Variants in DNAL1 observed in about 807,000 individuals in gnomAD.
DNAL1 encodes the protein chromosome 14 open reading frame 168.
Under a neutral mutation model 29.4 loss-of-function variants are expected in DNAL1, and 17 were observed. The ratio of observed to expected loss-of-function variants is 0.58; its 90% CI spans 0.40 to 0.87. The LOEUF (loss-of-function observed/expected upper bound fraction) is 0.87. Ranked by LOEUF, DNAL1 falls within the 40% of genes least tolerant of loss-of-function variation. DNAL1 has a pLI of 0.00. For missense variants in DNAL1, 188 were observed against 214.1 expected (o/e 0.88, Z 0.76); for synonymous variants, 78 against 76.3 (o/e 1.02, Z -0.12).
rs1188365360 is a variant in DNAL1, at chr14:73,652,419, G to A, written c.4-2428G>A. On this transcript the variant is annotated intron_variant, in intron 1 of 7. Transcript: ENST00000553645. ...TGGCACCACAGTCATGTGCCACCACGCCCAGTGCCACCACGGTCTAATTTT... is the reference window on the plus strand; with the variant it reads ...TGGCACCACAGTCATGTGCCACCACACCCAGTGCCACCACGGTCTAATTTT... 5.3e-5 allele frequency among the ~76,000 whole-genome samples: 8 copies of A among 152,010 alleles called. No homozygotes were observed. In the South Asian group the frequency reaches 1.0e-3, roughly 20 times the overall value.
chr14:73,695,864 T>A, intron 7 of DNAL1, 38 bp from the exon 8 acceptor site: 1 of 1,522,394 alleles, frequency 6.6e-7, no homozygotes, highest in Non-Finnish European at 8.9e-7. Context: ...TAGCAATTTT[T>A]TGAGAATAAC....
At chr14:73,660,988 G>A (rs1291408801) in intron 3 of DNAL1, among the ~76,000 whole-genome samples, 2 of 152,044 alleles carry the variant, frequency 1.3e-5, no homozygotes, top group African/African-American at 4.8e-5. Context: ...AGGAGTGGGG[G>A]ATGACTAGAA....
At chr14:73,690,054 A>T (rs1286685278) in intron 7 of DNAL1, among the ~76,000 whole-genome samples, 2 of 150,276 alleles carry the variant, frequency 1.3e-5, no homozygotes, top group Non-Finnish European at 3.0e-5. Flanking sequence ...AAAAAAAAGA[A>T]AAGAAAAGAA....
intron 5 of DNAL1, among the ~76,000 whole-genome samples, chr14:73,684,031 A>G (rs924952561): frequency 6.6e-6 from 1 of 152,172 alleles, no homozygotes; most frequent in Non-Finnish European, 1.5e-5. Context: ...TAGATTCCAC[A>G]TATGAGTGAG....
intron 4 of DNAL1, 133 bp downstream of exon 4, chr14:73,662,175 A>C (rs547395419): frequency 1.4e-6 from 1 of 703,870 alleles, no homozygotes; most frequent in South Asian, 2.1e-5. Context: ...GAATACATAA[A>C]CTATGTCTTA....
chr14:73,656,802 A>G (rs529238806), intron 2 of DNAL1, among the ~76,000 whole-genome samples: 1 of 152,086 alleles, frequency 6.6e-6, no homozygotes, highest in African/African-American at 2.4e-5. Flanking sequence ...TTTATTGAGG[A>G]TCTACTAGAT....
intron 1 of DNAL1, among the ~76,000 whole-genome samples, chr14:73,649,696 C>T (rs1048575004): frequency 6.6e-6 from 1 of 152,138 alleles, no homozygotes; most frequent in Non-Finnish European, 1.5e-5. Context: ...TTCTGATACC[C>T]TTTACTCACC....
intron 1 of DNAL1, among the ~76,000 whole-genome samples, chr14:73,648,403 C>CATATATATATATATATAT (rs149075024): frequency 0.013 from 1,129 of 86,716 alleles, 130 homozygotes; most frequent in African/African-American, 0.026. Context: ...CACCTCATTT[C>CATATATATATATATATAT]ATATATATAT....
At chr14:73,654,781 C>T (rs753725871) in intron 1 of DNAL1, 66 bp from the exon 2 acceptor site, 21 of 1,389,830 alleles carry the variant, frequency 1.5e-5, no homozygotes, top group Non-Finnish European at 2.0e-5. Context: ...TACATACATA[C>T]ATACATACAT....
intron 2 of DNAL1, 63 bp from the exon 3 acceptor site, chr14:73,658,784 T>A: frequency 8.1e-7 from 1 of 1,228,952 alleles, no homozygotes; most frequent in Admixed American, 2.1e-5. Context: ...TAGGAAATTC[T>A]GGCCTCTTTT....
intron 7 of DNAL1, among the ~76,000 whole-genome samples, chr14:73,691,850 C>CG (rs1566892355): frequency 7.2e-6 from 1 of 138,026 alleles, no homozygotes; most frequent in East Asian, 4.1e-4. Context: ...TGCGCCACCC[C>CG]CCCCCCCCAG....
intron 6 of DNAL1, 81 bp from the exon 7 acceptor site, chr14:73,689,294 A>C (rs1308235469): frequency 6.6e-7 from 1 of 1,510,098 alleles, no homozygotes; most frequent in Non-Finnish European, 8.9e-7. Flanking sequence ...GTCCCCCCAA[A>C]GTTCTGGGAT....
intron 1 of DNAL1, among the ~76,000 whole-genome samples, chr14:73,647,281 C>T (rs1165794303): frequency 8.1e-5 from 12 of 148,674 alleles, no homozygotes; most frequent in Admixed American, 5.5e-4. Flanking sequence ...AGGAGAATGG[C>T]GTGAACCCGG....
chr14:73,690,553 GA>G (rs1892147845), intron 7 of DNAL1, among the ~76,000 whole-genome samples: 1 of 151,976 alleles, frequency 6.6e-6, no homozygotes, highest in Non-Finnish European at 1.5e-5. Context: ...TCGGGAGGCT[GA>G]GGCAGGAGAA....
chr14:73,689,428 G>A lies in DNAL1; in HGVS notation c.445G>A (p.Gly149Ser). ...ATGCCTCGAAGACCTGGTGTTTGTA[G>A]GCAATCCCTTGGAAGAGAAACATTC... ...LPCLEDLVFVGNPLEEKHSAE... is the reference protein window; with the variant it reads ...LPCLEDLVFVSNPLEEKHSAE... The change falls in exon 7 of 8, where the codon GGC becomes AGC. Residue 149 changes from glycine to serine, a missense_variant. Physicochemically the swap from Gly to Ser is moderately conservative, Grantham distance 56 (BLOSUM62 0). Transcript: ENST00000553645. 6.4e-7 allele frequency: 1 copy of A among 1,557,926 alleles called. No individual in the cohort carries two copies. Among genetic ancestry groups the A allele is most frequent in the Non-Finnish European group, 8.7e-7 (1 of 1,150,424 alleles).
rs1198872568 is a variant in DNAL1 at position 73,658,869 on chromosome 14, C to T, written c.65C>T (p.Pro22Leu). ...TAGGAAGAGAAAACTGGCCAGAGGC[C>T]ATCTGAAGCCAAAGAGATAAAACTT... Reference protein sequence around the residue: ...ARWEEKTGQRPSEAKEIKLYA... With the variant: ...ARWEEKTGQRLSEAKEIKLYA... Residue 22 changes from proline (P) to leucine (L), a missense_variant, in exon 3 of 8, where the codon CCA becomes CTA. Coordinates refer to ENST00000553645, the MANE Select transcript of DNAL1 (RefSeq NM_031427.4). The T allele has an allele frequency of 1.2e-6, 2 of 1,603,308 alleles. No homozygotes were observed. Among genetic ancestry groups the T allele is most frequent in the Non-Finnish European group, 1.7e-6 (2 of 1,174,474 alleles).
chr14:73,695,823 C>T (rs182144070), intron 7 of DNAL1, 79 bp from the exon 8 acceptor site: 3 of 1,310,008 alleles, frequency 2.3e-6, no homozygotes, highest in East Asian at 5.2e-5. Context: ...GCCACCGTGC[C>T]CGGCCAGGAA....
chr14:73,691,848 C>CT (rs1045919989), intron 7 of DNAL1, among the ~76,000 whole-genome samples: 1 of 65,158 alleles, frequency 1.5e-5, no homozygotes, highest in Non-Finnish European at 3.8e-5. Context: ...CGTGCGCCAC[C>CT]CCCCCCCCCC....
chr14:73,682,337 ATTTTTTTTTT>A (rs57403758), intron 5 of DNAL1, among the ~76,000 whole-genome samples: 3 of 93,402 alleles, frequency 3.2e-5, no homozygotes, highest in African/African-American at 4.2e-5. Context: ...TGCCTGGCTA[ATTTTTTTTTT>A]TTTTTTTTTT....
Sources: allele counts gnomAD v4.1 joint callset (sites outside exome capture counted in the v4.1 genomes callset), GRCh38; gene constraint gnomAD v4.1.1; transcripts MANE v1.5; gene names NCBI Gene and HGNC (gene_info 2026-07-23, HGNC 2026-07-21).